Variants in MAOB observed in about 807,000 individuals in gnomAD.
MAOB encodes monoamine oxidase B.
MAOB carries 15 observed loss-of-function variants against 41.9 expected under a neutral mutation model. The ratio of observed to expected loss-of-function variants is 0.36; its 90% CI spans 0.24 to 0.55. The LOEUF (loss-of-function observed/expected upper bound fraction) is 0.55, where lower values mean the gene tolerates loss of function less well. Among genes scored for constraint, MAOB ranks in the 20% least tolerant of loss-of-function variants. The probability of loss-of-function intolerance (pLI) is 0.86; values close to 1 mark genes in which losing one functional copy is unlikely to be tolerated. For synonymous variants in MAOB, 167 were observed against 144.2 expected, an observed-to-expected ratio of 1.16 and a Z score of -1.13; for missense variants, 345 against 398.7, an observed-to-expected ratio of 0.87 and a Z score of 1.15.
chrX:43,843,758 G>A lies in MAOB; in HGVS notation c.53C>T (p.Ala18Val), dbSNP rs762962154. The A allele has an allele frequency of 8.3e-6, 10 of 1,207,698 alleles. No homozygotes were observed. The highest frequency in any genetic ancestry group is 1.1e-5 in the Non-Finnish European group (10 of 894,244). Residue 18 changes from alanine (A) to valine (V), a missense_variant, in exon 2 of 15, where the codon GCA becomes GTA. Coordinates refer to ENST00000378069, the MANE Select transcript of MAOB (RefSeq NM_000898.5). Reference sequence around the variant, plus strand: ...AGAGTCATGCAGAAGTTTGGCTGCTGCCATACCTGGGAGAAAAGACAGTAA... The same window carrying A: ...AGAGTCATGCAGAAGTTTGGCTGCTACCATACCTGGGAGAAAAGACAGTAA... ...VVVGGGISGMAAAKLLHDSGL... is the reference protein window; with the variant it reads ...VVVGGGISGMVAAKLLHDSGL...
intron 3 of MAOB, among the ~76,000 whole-genome samples, chrX:43,824,084 C>T (rs930366008): frequency 8.9e-6 from 1 of 112,173 alleles, no homozygotes; most frequent in Non-Finnish European, 1.9e-5. Context: ...TATTGAATGA[C>T]TGCTGACAGC....
At chrX:43,813,610 G>A (rs1039499432) in intron 3 of MAOB, among the ~76,000 whole-genome samples, 22 of 112,082 alleles carry the variant, frequency 2.0e-4, no homozygotes, top group African/African-American at 6.5e-4. Context: ...AGCTAATGAC[G>A]GACTCAATGA....
At chrX:43,834,975 C>G (rs893696564) in intron 3 of MAOB, among the ~76,000 whole-genome samples, 1 of 112,007 alleles carries the variant, frequency 8.9e-6, no homozygotes, top group Non-Finnish European at 1.9e-5. Flanking sequence ...ACCTTCAGAC[C>G]TAGAGCAGTT....
intron 10 of MAOB, among the ~76,000 whole-genome samples, chrX:43,779,454 T>C (rs2034302309): frequency 8.9e-6 from 1 of 112,123 alleles, no homozygotes; most frequent in Non-Finnish European, 1.9e-5. Context: ...AATGAGAAAG[T>C]CTTTTCTATG....
intron 11 of MAOB, among the ~76,000 whole-genome samples, chrX:43,776,859 T>A (rs1342582383): frequency 1.9e-5 from 2 of 103,186 alleles, no homozygotes; most frequent in African/African-American, 3.6e-5. Context: ...GAACATGCAG[T>A]GTTTGGTTTT....
intron 3 of MAOB, among the ~76,000 whole-genome samples, chrX:43,827,001 G>T (rs750954840): frequency 2.7e-5 from 3 of 111,546 alleles, no homozygotes; most frequent in Non-Finnish European, 5.6e-5. Context: ...TGATATACAT[G>T]ATATAATTTA....
At chrX:43,877,736 A>G (rs192434177) in intron 1 of MAOB, among the ~76,000 whole-genome samples, 6 of 112,104 alleles carry the variant, frequency 5.4e-5, no homozygotes, top group African/African-American at 1.9e-4. Context: ...ATTTCTCCTG[A>G]AGCGGAACCC....
At chrX:43,824,203 A>G (rs1275126633) in intron 3 of MAOB, among the ~76,000 whole-genome samples, 1 of 112,704 alleles carries the variant, frequency 8.9e-6, no homozygotes, top group Non-Finnish European at 1.9e-5. Context: ...AATTGATGAG[A>G]TGAAGTAATA....
chrX:43,771,747 A>G (rs1012179404), intron 12 of MAOB, among the ~76,000 whole-genome samples: 1 of 111,722 alleles, frequency 9.0e-6, no homozygotes, highest in Non-Finnish European at 1.9e-5. Context: ...TAATCATACT[A>G]TAAATCAGAA....
intron 3 of MAOB, among the ~76,000 whole-genome samples, chrX:43,819,969 A>G (rs1042003238): frequency 8.9e-6 from 1 of 112,010 alleles, no homozygotes; most frequent in South Asian, 3.7e-4. Context: ...AACACCATTA[A>G]TGTCCTTATA....
At chrX:43,838,846 T>C in intron 3 of MAOB, 22 bp downstream of exon 3, 1 of 1,158,240 alleles carries the variant, frequency 8.6e-7, no homozygotes, top group African/African-American at 1.8e-5. Context: ...TTCAAATCCT[T>C]CAAAGTCTGG....
chrX:43,775,055 G>GTT (rs373072993), intron 12 of MAOB, 120 bp downstream of exon 12: 3,214 of 610,053 alleles, frequency 5.3e-3, no homozygotes, highest in Non-Finnish European at 5.6e-3. Flanking sequence ...AAATTGGGTT[G>GTT]TTTTTTTTTT....
intron 3 of MAOB, among the ~76,000 whole-genome samples, chrX:43,819,028 T>C (rs757759631): frequency 9.0e-6 from 1 of 111,611 alleles, no homozygotes; most frequent in African/African-American, 3.3e-5. Flanking sequence ...CATGACTCTA[T>C]TGATCTCACC....
intron 9 of MAOB, 150 bp downstream of exon 9, chrX:43,781,298 C>A: frequency 6.3e-6 from 2 of 317,592 alleles, no homozygotes; most frequent in South Asian, 1.4e-4. Flanking sequence ...AGAAAAGAAC[C>A]AGTAATAATT....
At chrX:43,821,820 G>T (rs1395582672) in intron 3 of MAOB, among the ~76,000 whole-genome samples, 1 of 111,591 alleles carries the variant, frequency 9.0e-6, no homozygotes, top group African/African-American at 3.3e-5. Flanking sequence ...AATGATGAAG[G>T]TACCTGATAT....
chrX:43,768,343 G>A (rs2034137826), intron 14 of MAOB, among the ~76,000 whole-genome samples: 1 of 111,675 alleles, frequency 9.0e-6, no homozygotes, highest in Admixed American at 9.5e-5. Flanking sequence ...AGAATCACCA[G>A]GCTAGATATT....
At chrX:43,777,409 T>G (rs1423864056) in intron 11 of MAOB, among the ~76,000 whole-genome samples, 1 of 111,399 alleles carries the variant, frequency 9.0e-6, no homozygotes, top group Non-Finnish European at 1.9e-5. Context: ...GCAAAACATA[T>G]TCCTCATTAA....
chrX:43,816,277 A>C (rs971719848), intron 3 of MAOB, among the ~76,000 whole-genome samples: 3 of 111,857 alleles, frequency 2.7e-5, no homozygotes, highest in Admixed American at 1.9e-4. Flanking sequence ...GGCTTTATGA[A>C]TATGTTCATT....
intron 3 of MAOB, among the ~76,000 whole-genome samples, chrX:43,811,901 C>G (rs918466144): frequency 2.7e-5 from 3 of 111,500 alleles, no homozygotes; most frequent in African/African-American, 9.8e-5. Flanking sequence ...TGACTAGAGT[C>G]ACCCTGTTGT....
Sources: gnomAD v4.1 joint callset for allele counts (sites outside exome capture counted in the v4.1 genomes callset) on GRCh38, gnomAD v4.1.1 for gene constraint, MANE v1.5 for transcripts, NCBI Gene and HGNC (gene_info 2026-07-23, HGNC 2026-07-21) for gene names.